Variants in CERS6 observed in about 807,000 individuals in gnomAD.
CERS6 encodes ceramide synthase 6.
CERS6 carries 26 observed loss-of-function variants against 56.8 expected under a neutral mutation model. That is an observed-to-expected ratio of 0.46 (90% CI 0.34 to 0.63). CERS6 has a LOEUF of 0.63. Ranked by LOEUF, CERS6 falls within the 30% of genes least tolerant of loss-of-function variation. CERS6 has a pLI of 0.01. For synonymous variants in CERS6, 164 were observed against 173.3 expected (o/e 0.95, Z 0.42); for missense variants, 415 against 467.5 (o/e 0.89, Z 1.04).
intron 3 of CERS6, among the ~76,000 whole-genome samples, chr2:168,628,570 C>T (rs1017140075): frequency 5.9e-5 from 9 of 152,192 alleles, no homozygotes; most frequent in African/African-American, 2.2e-4. Context: ...AGTACATCTC[C>T]TTCTTCCCAG....
intron 4 of CERS6, among the ~76,000 whole-genome samples, chr2:168,666,450 A>G (rs557080557): frequency 2.6e-5 from 4 of 152,314 alleles, no homozygotes; most frequent in African/African-American, 9.6e-5. Flanking sequence ...ACTTAGTAGT[A>G]TGCATTTAAG....
intron 1 of CERS6, among the ~76,000 whole-genome samples, chr2:168,537,312 C>T (rs1261144718): frequency 6.6e-6 from 1 of 152,150 alleles, no homozygotes; most frequent in Non-Finnish European, 1.5e-5. Context: ...AAAATCTTTA[C>T]ATCTGTGGCC....
intron 8 of CERS6, among the ~76,000 whole-genome samples, chr2:168,724,996 G>A (rs1045109098): frequency 5.9e-5 from 9 of 152,224 alleles, no homozygotes; most frequent in African/African-American, 2.2e-4. Flanking sequence ...CCACGGAGGG[G>A]GTGGGAGGTT....
intron 9 of CERS6, 91 bp from the exon 10 acceptor site, chr2:168,769,419 T>A (rs1574233502): frequency 8.6e-7 from 1 of 1,159,846 alleles, no homozygotes; most frequent in East Asian, 2.8e-5. Context: ...GGGATCTGTT[T>A]CCCCTTGTGT....
At chr2:168,739,673 G>A (rs546416608) in intron 8 of CERS6, among the ~76,000 whole-genome samples, 1 of 151,906 alleles carries the variant, frequency 6.6e-6, no homozygotes, top group South Asian at 2.1e-4. Context: ...TTTTTGCTAA[G>A]CATAAATAGT....
chr2:168,750,398 A>G (rs185235011), intron 8 of CERS6, among the ~76,000 whole-genome samples: 111 of 152,372 alleles, frequency 7.3e-4, no homozygotes, highest in African/African-American at 2.5e-3. Context: ...AAAAATTTCA[A>G]TCCTATAGTT....
At chr2:168,521,917 AG>A (rs1392945816) in intron 1 of CERS6, among the ~76,000 whole-genome samples, 1 of 152,226 alleles carries the variant, frequency 6.6e-6, no homozygotes, top group Non-Finnish European at 1.5e-5. Flanking sequence ...TGTTAGAAGC[AG>A]TTTTTCAAAA....
chr2:168,573,335 CTTG>C (rs1696025208), intron 3 of CERS6, among the ~76,000 whole-genome samples: 1 of 152,160 alleles, frequency 6.6e-6, no homozygotes, highest in Admixed American at 6.6e-5. Flanking sequence ...TGAGTGAGTG[CTTG>C]TTGGGTAGCA....
At chr2:168,591,693 T>G (rs888290293) in intron 3 of CERS6, among the ~76,000 whole-genome samples, 3 of 152,248 alleles carry the variant, frequency 2.0e-5, no homozygotes, top group Non-Finnish European at 4.4e-5. Context: ...TTCTTTCACC[T>G]TCGGGGTGTT....
At position 168,771,050 on chromosome 2, in the gene CERS6, T is replaced by G. The variant is rs114768181; in HGVS notation, c.*1388T>G. 6.6e-6 allele frequency: 1 copy of G among 152,076 alleles called. No homozygotes were observed. Among genetic ancestry groups the G allele is most frequent in the African/African-American group, 2.4e-5 (1 of 41,406 alleles). 9.4% of individuals were successfully genotyped at this position (152,076 alleles called of 1,614,324 possible). A position where few individuals can be genotyped will look rare whatever the true frequency, so the allele number is the denominator to read the frequency against. ...TTTTATCTCTTCTTCTAACTTTTAG[T>G]AAGAGGAAAAAGGGATTATAAAACC... On this transcript the variant is annotated 3_prime_UTR_variant, in exon 10 of 10. Transcript: ENST00000305747.
chr2:168,674,311 G>A (rs974055483), intron 4 of CERS6, among the ~76,000 whole-genome samples: 1 of 152,144 alleles, frequency 6.6e-6, no homozygotes, highest in African/African-American at 2.4e-5. Flanking sequence ...CCTGAAGGTT[G>A]ATTAAGCTGT....
intron 1 of CERS6, among the ~76,000 whole-genome samples, chr2:168,498,693 G>A (rs923724327): frequency 2.6e-5 from 4 of 152,212 alleles, no homozygotes; most frequent in South Asian, 2.1e-4. Context: ...TGCATCCTCC[G>A]TAGACTGGCC....
chr2:168,685,807 C>T (rs1340548433), intron 4 of CERS6, among the ~76,000 whole-genome samples: 1 of 151,818 alleles, frequency 6.6e-6, no homozygotes, highest in African/African-American at 2.4e-5. Context: ...GATGGATATG[C>T]TTGCTGCTGA....
chr2:168,505,283 G>A (rs1228365205), intron 1 of CERS6, among the ~76,000 whole-genome samples: 1 of 149,830 alleles, frequency 6.7e-6, no homozygotes, highest in African/African-American at 2.5e-5. Flanking sequence ...TTGGGAGGCT[G>A]AGGTGGGAGG....
At chr2:168,660,917 G>A (rs773756903) in intron 4 of CERS6, among the ~76,000 whole-genome samples, 1 of 152,150 alleles carries the variant, frequency 6.6e-6, no homozygotes, top group Non-Finnish European at 1.5e-5. Context: ...GAAATGTGAT[G>A]TTTAAACATA....
chr2:168,586,158 A>ATT (rs559983091), intron 3 of CERS6, among the ~76,000 whole-genome samples: 2 of 137,918 alleles, frequency 1.5e-5, no homozygotes, highest in African/African-American at 2.7e-5. Context: ...TAATTTTTGT[A>ATT]TTTTTTTTTT....
chr2:168,586,133 A>G (rs1574082193), intron 3 of CERS6, among the ~76,000 whole-genome samples: 1 of 149,772 alleles, frequency 6.7e-6, no homozygotes. Context: ...ACAGGCTTGC[A>G]CCACCACACC....
intron 1 of CERS6, among the ~76,000 whole-genome samples, chr2:168,464,174 TTGTGTGTGTGTG>T (rs35372610): frequency 1.7e-3 from 235 of 139,790 alleles, no homozygotes; most frequent in African/African-American, 4.7e-3. Flanking sequence ...TTTATACTTT[TTGTGTGTGTGTG>T]TGTGTGTGTG....
intron 5 of CERS6, among the ~76,000 whole-genome samples, chr2:168,692,212 A>G (rs1035532602): frequency 3.9e-5 from 6 of 152,300 alleles, no homozygotes; most frequent in East Asian, 3.9e-4. Flanking sequence ...TGTTGACACC[A>G]ATAGCTTATT....
Sources: allele counts gnomAD v4.1 joint callset (sites outside exome capture counted in the v4.1 genomes callset), GRCh38; gene constraint gnomAD v4.1.1; transcripts MANE v1.5; gene names NCBI Gene and HGNC (gene_info 2026-07-23, HGNC 2026-07-21).